Variants in WDFY3 observed in about 807,000 individuals in gnomAD.
WDFY3 encodes WD repeat and FYVE domain-containing protein 3.
Under a neutral mutation model 409.6 loss-of-function variants are expected in WDFY3, and 66 were observed. That is an observed-to-expected ratio of 0.16 (90% CI 0.13 to 0.20). The LOEUF is 0.20. Among genes scored for constraint, WDFY3 ranks in the 10% least tolerant of loss-of-function variants. WDFY3 has a pLI of 1.00. For synonymous variants in WDFY3, 1,521 were observed against 1,537.1 expected (o/e 0.99, Z 0.25); for missense variants, 3,031 against 4,298.1 (o/e 0.71, Z 8.24).
At chr4:84,675,109 C>A (rs749452035) in intron 67 of WDFY3, among the ~76,000 whole-genome samples, 5 of 151,908 alleles carry the variant, frequency 3.3e-5, no homozygotes, top group Admixed American at 6.6e-5. Flanking sequence ...TAGCTCACCA[C>A]CACACCTGGC....
intron 44 of WDFY3, among the ~76,000 whole-genome samples, chr4:84,729,445 T>C (rs904325541): frequency 1.3e-5 from 2 of 151,960 alleles, no homozygotes; most frequent in Non-Finnish European, 2.9e-5. Context: ...CATTTTTATA[T>C]GAGAATACAG....
intron 13 of WDFY3, among the ~76,000 whole-genome samples, chr4:84,813,816 C>G (rs983141191): frequency 2.0e-5 from 3 of 152,146 alleles, no homozygotes; most frequent in African/African-American, 7.2e-5. Context: ...TTGAAGCCAT[C>G]TATGTTCTCC....
chr4:84,835,084 G>T (rs1231460682), intron 7 of WDFY3, among the ~76,000 whole-genome samples: 1 of 152,116 alleles, frequency 6.6e-6, no homozygotes, highest in East Asian at 1.9e-4. Context: ...ATTATGTTTT[G>T]AGTCCCTTTT....
intron 65 of WDFY3, among the ~76,000 whole-genome samples, chr4:84,678,687 A>G (rs1211555653): frequency 6.6e-6 from 1 of 152,186 alleles, no homozygotes; most frequent in Non-Finnish European, 1.5e-5. Flanking sequence ...ATTTTTCTTT[A>G]AAAGATGCCC....
chr4:84,703,758 G>A (rs1483292124), intron 55 of WDFY3, among the ~76,000 whole-genome samples: 1 of 152,086 alleles, frequency 6.6e-6, no homozygotes, highest in Non-Finnish European at 1.5e-5. Flanking sequence ...CCAACCTCCT[G>A]TTCTCCCCAC....
At chr4:84,854,094 G>T (rs551284912) in intron 4 of WDFY3, among the ~76,000 whole-genome samples, 138 of 152,260 alleles carry the variant, frequency 9.1e-4, no homozygotes, top group African/African-American at 3.2e-3. Flanking sequence ...CCTGGGGTGG[G>T]AAGAAGGTTG....
At chr4:84,768,668 C>T (rs1428085323) in intron 30 of WDFY3, among the ~76,000 whole-genome samples, 3 of 152,210 alleles carry the variant, frequency 2.0e-5, no homozygotes, top group African/African-American at 2.4e-5. Flanking sequence ...TGCACCTAGC[C>T]ATCCAAGAGC....
chr4:84,957,492 A>C (rs1774389143), intron 1 of WDFY3, among the ~76,000 whole-genome samples: 1 of 152,190 alleles, frequency 6.6e-6, no homozygotes, highest in South Asian at 2.1e-4. Flanking sequence ...ACAGTACTTA[A>C]TATATCTCAA....
chr4:84,795,035 C>T, intron 19 of WDFY3, 56 bp from the exon 20 acceptor site: 1 of 1,269,556 alleles, frequency 7.9e-7, no homozygotes, highest in Non-Finnish European at 1.0e-6. Flanking sequence ...TCTCTTAACA[C>T]TGTGCACTTA....
chr4:84,722,390 A>G (rs1258281589), intron 46 of WDFY3, among the ~76,000 whole-genome samples: 1 of 152,134 alleles, frequency 6.6e-6, no homozygotes, highest in African/African-American at 2.4e-5. Context: ...CTGTCTCAAA[A>G]AAAGTAAAAA....
chr4:84,801,244 G>A (rs1364088404), intron 17 of WDFY3, among the ~76,000 whole-genome samples: 4 of 152,066 alleles, frequency 2.6e-5, no homozygotes, highest in Non-Finnish European at 1.5e-5. Context: ...AACTACTGGA[G>A]GAAAATGGGC....
At chr4:84,870,468 C>G (rs933482385) in intron 3 of WDFY3, among the ~76,000 whole-genome samples, 3 of 152,122 alleles carry the variant, frequency 2.0e-5, no homozygotes, top group African/African-American at 7.2e-5. Context: ...TGAAAGTGGA[C>G]TAGCATGAGA....
At chr4:84,831,085 G>T (rs1182189664) in intron 8 of WDFY3, among the ~76,000 whole-genome samples, 12 of 151,258 alleles carry the variant, frequency 7.9e-5, no homozygotes, top group Non-Finnish European at 1.6e-4. Flanking sequence ...TACTCAGGAG[G>T]CTAGGGCAGA....
intron 16 of WDFY3, among the ~76,000 whole-genome samples, chr4:84,802,133 A>G (rs1186531625): frequency 1.3e-5 from 2 of 151,870 alleles, no homozygotes; most frequent in African/African-American, 4.8e-5. Context: ...TTTTTAGTAG[A>G]GACAGGGTTT....
intron 10 of WDFY3, among the ~76,000 whole-genome samples, chr4:84,824,474 G>A (rs1359130401): frequency 6.6e-6 from 1 of 152,100 alleles, no homozygotes; most frequent in African/African-American, 2.4e-5. Context: ...CCAGTTAAGA[G>A]GGGAGTGATT....
At position 84,850,926 on chromosome 4, in the gene WDFY3, C is replaced by CTTTTTT. The variant is rs781440189; in HGVS notation, c.181-902_181-901insAAAAAA. Among the ~76,000 whole-genome samples the CTTTTTT allele has an allele frequency of 2.8e-3, 89 of 32,146 alleles. 5 individuals are homozygous for CTTTTTT. The highest frequency in any genetic ancestry group is 3.6e-3 in the African/African-American group (30 of 8,238). 21.1% of individuals were successfully genotyped at this position (32,146 alleles called of 152,430 possible). ...AATTCTTATTTTTAATTTTATTTATCTGTTTTTTTTTTTTTTTTTTTTTTT... is the reference window on the plus strand; with the variant it reads ...AATTCTTATTTTTAATTTTATTTATCTTTTTTTGTTTTTTTTTTTTTTTTTTTTTTT... On this transcript the variant is annotated intron_variant, in intron 4 of 67. Transcript: ENST00000295888.
chr4:84,699,849 A>G (rs1384657845), intron 56 of WDFY3, among the ~76,000 whole-genome samples: 2 of 151,868 alleles, frequency 1.3e-5, no homozygotes, highest in African/African-American at 4.8e-5. Context: ...GGCCATCTGT[A>G]TAACTTATTT....
chr4:84,798,002 T>C lies in WDFY3; in HGVS notation c.2929A>G (p.Met977Val), dbSNP rs1360181364. Residue 977 changes from methionine to valine, a missense_variant, in exon 18 of 68, where the codon ATG (methionine) becomes GTG (valine). Physicochemically the swap from Met to Val is conservative, Grantham distance 21. Coordinates refer to ENST00000295888, the MANE Select transcript of WDFY3 (RefSeq NM_014991.6). Reference sequence around the variant, plus strand: ...AGGGAATTTCAAAACTTACTTCTCATTTCTGGTTCATAACTCAGTGAACTT... The same window carrying C: ...AGGGAATTTCAAAACTTACTTCTCACTTCTGGTTCATAACTCAGTGAACTT... ...KPSSLSYEPE[M>V]RSSMITSLEG... is the part of the protein sequence containing the mutation. The C allele has an allele frequency of 6.2e-7, 1 of 1,606,548 alleles. No individual in the cohort carries two copies. The highest frequency in any genetic ancestry group is 1.7e-5 in the Admixed American group (1 of 58,564).
At chr4:84,721,631 T>G (rs1036823053) in intron 46 of WDFY3, 59 bp from the exon 47 acceptor site, 22 of 1,579,820 alleles carry the variant, frequency 1.4e-5, no homozygotes, top group Middle Eastern at 3.4e-4. Flanking sequence ...GGGGAAGCAG[T>G]TTAGTCTCAT....
Sources: allele counts gnomAD v4.1 joint callset (sites outside exome capture counted in the v4.1 genomes callset), GRCh38; gene constraint gnomAD v4.1.1; transcripts MANE v1.5; gene names NCBI Gene and HGNC (gene_info 2026-07-23, HGNC 2026-07-21).